SLC35F4: variants seen among roughly 807,000 people sequenced by gnomAD.
SLC35F4 encodes the protein solute carrier family 35 member F4.
Under a neutral mutation model 44.2 loss-of-function variants are expected in SLC35F4, and 24 were observed. The observed-to-expected ratio is 0.54, with a 90% CI of 0.39 to 0.76. The LOEUF (loss-of-function observed/expected upper bound fraction) is 0.76, where lower values mean the gene tolerates loss of function less well. SLC35F4 is among the 30% of genes least tolerant of loss of function. The pLI is 0.00. For missense variants in SLC35F4, 562 were observed against 586.1 expected, an observed-to-expected ratio of 0.96 and a Z score of 0.42; for synonymous variants, 238 against 223.6, an observed-to-expected ratio of 1.06 and a Z score of -0.57.
At chr14:57,667,515 T>C (rs970720449) in intron 1 of SLC35F4, among the ~76,000 whole-genome samples, 4 of 131,216 alleles carry the variant, frequency 3.0e-5, no homozygotes, top group Non-Finnish European at 6.3e-5. Context: ...CCCCAGTGTG[T>C]GATGTTCCCC....
chr14:57,702,524 A>G (rs761539471), intron 1 of SLC35F4, among the ~76,000 whole-genome samples: 2 of 152,176 alleles, frequency 1.3e-5, no homozygotes, highest in Non-Finnish European at 2.9e-5. Context: ...ATTTAGTTGA[A>G]TAAAATATCT....
intron 1 of SLC35F4, among the ~76,000 whole-genome samples, chr14:57,905,071 G>A (rs1014922391): frequency 6.6e-6 from 1 of 152,184 alleles, no homozygotes; most frequent in African/African-American, 2.4e-5. Flanking sequence ...CGTGTCTTTG[G>A]CTAGGTGGTT....
chr14:57,669,728 T>A (rs1252369169), intron 1 of SLC35F4, among the ~76,000 whole-genome samples: 3 of 152,006 alleles, frequency 2.0e-5, no homozygotes, highest in Non-Finnish European at 4.4e-5. Context: ...CTGGATTCGG[T>A]TTGTCAGTAT....
intron 1 of SLC35F4, among the ~76,000 whole-genome samples, chr14:57,825,716 A>G (rs1006729072): frequency 6.6e-6 from 1 of 152,178 alleles, no homozygotes; most frequent in Non-Finnish European, 1.5e-5. Flanking sequence ...ATTCCTATAT[A>G]CCGACAATAG....
chr14:57,564,942 T>A (rs1341898670), intron 7 of SLC35F4, among the ~76,000 whole-genome samples: 1 of 152,172 alleles, frequency 6.6e-6, no homozygotes, highest in Non-Finnish European at 1.5e-5. Flanking sequence ...AATCTGCTTT[T>A]TTCCCCCTAT....
intron 1 of SLC35F4, among the ~76,000 whole-genome samples, chr14:57,709,976 A>C (rs2075776509): frequency 6.6e-6 from 1 of 152,236 alleles, no homozygotes; most frequent in Non-Finnish European, 1.5e-5. Flanking sequence ...ACCTGGCTGC[A>C]GAAATGTGCA....
intron 1 of SLC35F4, among the ~76,000 whole-genome samples, chr14:57,875,569 C>G (rs1451754934): frequency 1.3e-5 from 2 of 152,206 alleles, no homozygotes; most frequent in African/African-American, 4.8e-5. Context: ...AGGATAGGCT[C>G]TTTCACACGT....
At chr14:57,737,781 C>A (rs968860917) in intron 1 of SLC35F4, among the ~76,000 whole-genome samples, 3 of 152,216 alleles carry the variant, frequency 2.0e-5, no homozygotes, top group Admixed American at 1.3e-4. Context: ...GCAATTGGAA[C>A]AAAACCACAG....
chr14:57,831,512 C>T (rs1408580023), intron 1 of SLC35F4, among the ~76,000 whole-genome samples: 1 of 152,138 alleles, frequency 6.6e-6, no homozygotes, highest in African/African-American at 2.4e-5. Context: ...CAAACTAAAG[C>T]CACCCAGTAC....
chr14:57,935,837 A>T (rs2141068971), intron 1 of SLC35F4, among the ~76,000 whole-genome samples: 1 of 152,306 alleles, frequency 6.6e-6, no homozygotes, highest in Non-Finnish European at 1.5e-5. Flanking sequence ...GGAAGAAAAA[A>T]ATTCCAATTT....
In SLC35F4 at chr14:57,881,710, A is replaced by G. The variant is rs569931334; in HGVS notation, n.282+100203T>C. ...CACTTACACTGCAACACAGTCATGC[A>G]GAGGAACATGTTGGTTCTTTATTTT... On this transcript the variant is annotated intron_variant and non_coding_transcript_variant, in intron 1 of 1. Transcript: ENST00000556568. Among the ~76,000 whole-genome samples the G allele has an allele frequency of 4.6e-5, 7 of 152,310 alleles. No homozygotes were observed. The South Asian group carries it at 1.4e-3, about 32-fold the overall frequency.
chr14:57,643,432 G>A (rs1357122617), intron 1 of SLC35F4, among the ~76,000 whole-genome samples: 1 of 152,010 alleles, frequency 6.6e-6, no homozygotes, highest in Non-Finnish European at 1.5e-5. Context: ...TAATGGCCCT[G>A]ATTTATGAGT....
chr14:57,947,253 T>G (rs923146627), intron 1 of SLC35F4, among the ~76,000 whole-genome samples: 79 of 49,532 alleles, frequency 1.6e-3, no homozygotes, highest in Admixed American at 6.6e-3. Context: ...GGTTTTTTGT[T>G]TTTTTTTTTT....
At chr14:57,642,853 T>TA (rs2073313567) in intron 1 of SLC35F4, among the ~76,000 whole-genome samples, 1 of 151,986 alleles carries the variant, frequency 6.6e-6, no homozygotes, top group Admixed American at 6.6e-5. Flanking sequence ...ATAAAACATT[T>TA]AATTATTTAG....
chr14:57,728,247 T>A (rs1299981643), intron 1 of SLC35F4, among the ~76,000 whole-genome samples: 3 of 152,106 alleles, frequency 2.0e-5, no homozygotes, highest in African/African-American at 7.2e-5. Flanking sequence ...ATCTTTTTCA[T>A]CCCTTTATTT....
intron 1 of SLC35F4, chr14:57,799,294 T>C (rs1352357281): frequency 6.6e-6 from 1 of 152,278 alleles, no homozygotes; most frequent in Non-Finnish European, 1.5e-5. Context: ...GTGCAACCCA[T>C]GGATCAGGAG....
chr14:57,850,439 GTTC>G (rs746385520), intron 1 of SLC35F4, among the ~76,000 whole-genome samples: 1 of 152,130 alleles, frequency 6.6e-6, no homozygotes, highest in African/African-American at 2.4e-5. Flanking sequence ...AAAATGTGGA[GTTC>G]TTCTTCACTA....
chr14:57,854,628 C>T (rs1389716917), intron 1 of SLC35F4, among the ~76,000 whole-genome samples: 5 of 152,200 alleles, frequency 3.3e-5, no homozygotes, highest in Non-Finnish European at 7.3e-5. Context: ...TTCCCTGCTA[C>T]CTCTCTCCCA....
intron 1 of SLC35F4, among the ~76,000 whole-genome samples, chr14:57,708,448 T>C (rs1168522709): frequency 1.3e-5 from 2 of 152,218 alleles, no homozygotes; most frequent in East Asian, 3.9e-4. Flanking sequence ...TGTAATCCTG[T>C]CTTGATAAAT....
Sources: gnomAD v4.1 joint callset for allele counts (sites outside exome capture counted in the v4.1 genomes callset) on GRCh38, gnomAD v4.1.1 for gene constraint, MANE v1.5 for transcripts, NCBI Gene and HGNC (gene_info 2026-07-23, HGNC 2026-07-21) for gene names.